Variants in KAT5 observed in about 807,000 individuals in gnomAD.
KAT5 encodes lysine acetyltransferase 5, also known as histone acetyltransferase KAT5.
A neutral mutation model predicts 68.1 loss-of-function variants in KAT5; 31 were observed. The ratio of observed to expected loss-of-function variants is 0.46; its 90% confidence interval spans 0.34 to 0.61. The LOEUF is 0.61. Ranked by LOEUF, KAT5 falls within the 20% of genes least tolerant of loss-of-function variation. The pLI is 0.01. For synonymous variants in KAT5, 365 were observed against 292.6 expected (o/e 1.25, Z -2.52); for missense variants, 451 against 725.5 (o/e 0.62, Z 4.35).
chr11:65,716,981 C>T lies in KAT5; in HGVS notation c.1263C>T (p.Phe421=). The change falls in exon 10 of 13, where the codon TTC becomes TTT. Residue 421 remains phenylalanine, a splice_region_variant and synonymous_variant. Transcript: ENST00000341318. ...GCTACGGCAAGCTGCTGATCGAGTTCAGTGAGTATGTGTGCTGCGGCCAGG... is the reference window on the plus strand; with the variant it reads ...GCTACGGCAAGCTGCTGATCGAGTTTAGTGAGTATGTGTGCTGCGGCCAGG... ...RRGYGKLLIE[F]SYELSKVEGK... is the part of the protein sequence containing the mutation. 1 of 1,612,162 alleles carries T rather than the reference C, an allele frequency of 6.2e-7. No individual in the cohort carries two copies. Among genetic ancestry groups the T allele is most frequent in the Non-Finnish European group, 8.5e-7 (1 of 1,178,124 alleles).
chr11:65,716,049 A>AAAAAAAAAAAACCACAATT (rs1565209354), intron 8 of KAT5: 1 of 151,466 alleles, frequency 6.6e-6, no homozygotes, highest in African/African-American at 2.4e-5. Context: ...AAAACCCACA[A>AAAAAAAAAAAACCACAATT]TGTCTGAAAT....
chr11:65,719,064 A>C lies in KAT5; in HGVS notation c.1524A>C (p.Thr508=), dbSNP rs886048492. ...CTGCCCAGGGCCAGTACATCCTCAC[A>C]CTGTCAGAGGACATCGTGGATGGCC... ...INYYKGQYIL[T]LSEDIVDGHE... is the part of the protein sequence containing the mutation. Residue 508 remains threonine, a synonymous_variant, in exon 13 of 13, where the codon ACA becomes ACC. Coordinates refer to ENST00000341318, the MANE Select transcript of KAT5 (RefSeq NM_182710.3). The C allele has an allele frequency of 6.2e-7, 1 of 1,614,050 alleles. No individual in the cohort carries two copies. The highest frequency in any genetic ancestry group is 8.5e-7 in the Non-Finnish European group (1 of 1,180,026).
chr11:65,716,286 C>T, intron 8 of KAT5: 1 of 212,536 alleles, frequency 4.7e-6, no homozygotes, highest in East Asian at 1.1e-4. Flanking sequence ...ACTTTGGACA[C>T]ATTAGTTTGA....
chr11:65,714,350 GTTTT>G, intron 6 of KAT5, 141 bp from the exon 7 acceptor site: 4 of 927,740 alleles, frequency 4.3e-6, no homozygotes, highest in Non-Finnish European at 6.4e-6. Flanking sequence ...AGGGTTTCAG[GTTTT>G]TTATCTGGAA....
At chr11:65,712,063 G>T, upstream of KAT5, 1 of 471,182 alleles carries the variant, frequency 2.1e-6, no homozygotes. Context: ...ACGTTATGGG[G>T]TTTCCACCTA....
chr11:65,712,877 GGACAGTCTT>G, intron 2 of KAT5, 36 bp from the exon 3 acceptor site: 1 of 1,614,062 alleles, frequency 6.2e-7, no homozygotes. Flanking sequence ...TAGGGTTGGG[GGACAGTCTT>G]TGGCATTCTG....
Position 65,714,717 on chromosome 11 carries a change from A to G in KAT5, c.913A>G (p.Ser305Gly). The G allele has an allele frequency of 2.5e-6, 4 of 1,614,208 alleles. No individual in the cohort carries two copies. Among genetic ancestry groups the G allele is most frequent in the Non-Finnish European group, 3.4e-6 (4 of 1,180,038 alleles). ...CGAGTTCTGCCTCAAGTACGGCCGT[A>G]GTCTCAAGTGTCTTCAGCGTCATTT... ...LCEFCLKYGR[S>G]LKCLQRHLTK... Residue 305 changes from serine to glycine, a missense_variant, in exon 7 of 13, where the codon AGT becomes GGT. Ser to Gly is a moderately conservative substitution (Grantham distance 56, BLOSUM62 0). Transcript: ENST00000341318.
At chr11:65,718,472 GCCAA>G in intron 10 of KAT5, 114 bp from the exon 11 acceptor site, 3 of 1,025,660 alleles carry the variant, frequency 2.9e-6, no homozygotes, top group South Asian at 1.5e-5. Context: ...GCATAGAACT[GCCAA>G]GTGGCAGGGC....
chr11:65,713,880 G>T, intron 6 of KAT5, 32 bp downstream of exon 6: 1 of 1,545,512 alleles, frequency 6.5e-7, no homozygotes, highest in East Asian at 2.4e-5. Flanking sequence ...AGGGAACTGG[G>T]TGAAAAGGAA....
Position 65,719,142 on chromosome 11 carries a change from C to T in KAT5, c.1602C>T (p.His534=), listed in dbSNP as rs1161892220. The T allele has an allele frequency of 8.1e-6, 13 of 1,614,112 alleles. No individual in the cohort carries two copies. The East Asian group carries it at 2.5e-4, about 30-fold the overall frequency. The change falls in exon 13 of 13, where the codon CAC becomes CAT. Residue 534 remains histidine, a synonymous_variant. Coordinates refer to ENST00000341318, the MANE Select transcript of KAT5 (RefSeq NM_182710.3). ...TGCGGATCGACTCCAAGTGTCTGCACTTCACTCCCAAGGACTGGAGCAAGA... is the reference window on the plus strand; with the variant it reads ...TGCGGATCGACTCCAAGTGTCTGCATTTCACTCCCAAGGACTGGAGCAAGA... ...RLLRIDSKCL[H]FTPKDWSKRG...
At position 65,712,786 on chromosome 11, in the gene KAT5, G is replaced by C; in HGVS notation, c.199G>C (p.Val67Leu). Reference protein sequence around the residue: ...DEWPLAEILSVKDISGRKLFY... With the variant: ...DEWPLAEILSLKDISGRKLFY... ...CATAGCCCTGGCCGAGATCCTGAGC[G>C]TGAAGGACATCAGTGGCCGGAAGCT... Residue 67 changes from valine (V) to leucine (L), a missense_variant, in exon 2 of 13, where the codon GTG becomes CTG. This residue lies in a region of KAT5 where 104 missense variants were observed against 107.3 expected (regional missense o/e 0.97). Coordinates refer to ENST00000341318, the MANE Select transcript of KAT5 (RefSeq NM_182710.3). 1 of 1,614,104 alleles carries C rather than the reference G, an allele frequency of 6.2e-7. No homozygotes were observed. Among genetic ancestry groups the C allele is most frequent in the Non-Finnish European group, 8.5e-7 (1 of 1,180,026 alleles).
Position 65,712,786 on chromosome 11 carries a change from G to A in KAT5, c.199G>A (p.Val67Met). ...DEWPLAEILSVKDISGRKLFY... is the reference protein window; with the variant it reads ...DEWPLAEILSMKDISGRKLFY... ...CATAGCCCTGGCCGAGATCCTGAGC[G>A]TGAAGGACATCAGTGGCCGGAAGCT... Residue 67 changes from valine to methionine, a missense_variant, in exon 2 of 13, where the codon GTG becomes ATG. Val to Met is a conservative substitution (Grantham distance 21). This residue lies in a region of KAT5 where 104 missense variants were observed against 107.3 expected (regional missense o/e 0.97). Coordinates refer to ENST00000341318, the MANE Select transcript of KAT5 (RefSeq NM_182710.3). The A allele has an allele frequency of 2.5e-6, 4 of 1,614,104 alleles. No homozygotes were observed. The highest frequency in any genetic ancestry group is 3.4e-6 in the Non-Finnish European group (4 of 1,180,026).
In KAT5 at chr11:65,714,485, C is replaced by T; in HGVS notation, c.691-10C>T. 5 of 1,612,812 alleles carry T rather than the reference C, an allele frequency of 3.1e-6. No individual in the cohort carries two copies. The highest frequency in any genetic ancestry group is 4.2e-6 in the Non-Finnish European group (5 of 1,179,618). ...CTTACAACCTGGTATTTTCCACTGG[C>T]CCTGGGCAGGACTCCCAGGACAGCT... On this transcript the variant is annotated splice_polypyrimidine_tract_variant and intron_variant, in intron 6 of 12. Transcript: ENST00000341318.
intron 6 of KAT5, chr11:65,714,284 G>A: frequency 1.6e-6 from 1 of 608,540 alleles, no homozygotes; most frequent in Non-Finnish European, 2.9e-6. Context: ...GACAGACTGA[G>A]ACTCCATCTA....
At chr11:65,718,520 C>G (rs1380734938) in intron 10 of KAT5, 70 bp from the exon 11 acceptor site, 4 of 1,530,704 alleles carry the variant, frequency 2.6e-6, no homozygotes. Flanking sequence ...CCTTGGCAAC[C>G]TGTGTTTTTA....
rs562899965 is a variant in KAT5, at chr11:65,714,581, C to G, written c.777C>G (p.Val259=). ...LVSDRSHDDI[V]TRMKNIECIE... is the part of the protein sequence containing the mutation. ...CTGATCGAAGCCACGACGACATCGT[C>G]ACCCGGATGAAGAACATTGAGTGCA... The change falls in exon 7 of 13, where the codon GTC becomes GTG. Residue 259 remains valine, a synonymous_variant. Coordinates refer to ENST00000341318, the MANE Select transcript of KAT5 (RefSeq NM_182710.3). The G allele has an allele frequency of 2.9e-5, 47 of 1,614,238 alleles. 1 individual carries two copies. The South Asian group carries it at 4.8e-4, about 17-fold the overall frequency.
chr11:65,714,954 A>C (rs1333076680), intron 8 of KAT5, 44 bp downstream of exon 8: 1 of 1,536,874 alleles, frequency 6.5e-7, no homozygotes, highest in Non-Finnish European at 9.0e-7. Flanking sequence ...GAATCAAATG[A>C]CAGCTTCTTC....
In KAT5 at chr11:65,716,823, A is replaced by G. The variant is rs200018927; in HGVS notation, c.1170+16A>G. The G allele has an allele frequency of 3.1e-6, 5 of 1,614,006 alleles. No individual in the cohort carries two copies. Among genetic ancestry groups the G allele is most frequent in the African/African-American group, 2.7e-5 (2 of 74,908 alleles). On this transcript the variant is annotated intron_variant, in intron 9 of 12. Coordinates refer to ENST00000341318, the MANE Select transcript of KAT5 (RefSeq NM_182710.3). ...CTTCTCCAAGGTCAGTGCCTGCCCAAGCTGTCCCTGTGCCCTGTCCTGAGC... is the reference window on the plus strand; with the variant it reads ...CTTCTCCAAGGTCAGTGCCTGCCCAGGCTGTCCCTGTGCCCTGTCCTGAGC...
intron 8 of KAT5, among the ~76,000 whole-genome samples, chr11:65,715,705 G>A (rs1857168288): frequency 6.6e-6 from 1 of 151,904 alleles, no homozygotes; most frequent in African/African-American, 2.4e-5. Context: ...AGTTTGCAGT[G>A]AGCCGAGATT....
Sources: gnomAD v4.1 joint callset for allele counts (sites outside exome capture counted in the v4.1 genomes callset) on GRCh38, gnomAD v4.1.1 for gene constraint, gnomAD v4.1.1 regional missense constraint, MANE v1.5 for transcripts, NCBI Gene and HGNC (gene_info 2026-07-23, HGNC 2026-07-21) for gene names.